The following TBC1D19 variants were observed in gnomAD, a reference collection of about 807,000 sequenced individuals.
TBC1D19 encodes TBC1 domain family, member 19.
A neutral mutation model predicts 89.0 loss-of-function variants in TBC1D19; 60 were observed. The observed-to-expected ratio is 0.67, with a 90% CI of 0.55 to 0.84. The LOEUF (loss-of-function observed/expected upper bound fraction) is 0.84, where lower values mean the gene tolerates loss of function less well. TBC1D19 is among the 40% of genes least tolerant of loss of function. The pLI is 0.00. For synonymous variants in TBC1D19, 189 were observed against 199.7 expected, an observed-to-expected ratio of 0.95 and a Z score of 0.45; for missense variants, 500 against 610.8, an observed-to-expected ratio of 0.82 and a Z score of 1.91.
At position 26,706,281 on chromosome 4, in the gene TBC1D19, G is replaced by C. The variant is rs113090136; in HGVS notation, c.955-11652G>C. On this transcript the variant is annotated intron_variant, in intron 13 of 20. Coordinates refer to ENST00000264866, the MANE Select transcript of TBC1D19 (RefSeq NM_018317.4). Reference sequence around the variant, plus strand: ...GTTGACTTTGTGTTTCTAGAAATTTGTTCATTTTATCCAGGTTATCCAATT... The same window carrying C: ...GTTGACTTTGTGTTTCTAGAAATTTCTTCATTTTATCCAGGTTATCCAATT... 2.7e-3 allele frequency among the ~76,000 whole-genome samples: 407 copies of C among 152,144 alleles called. 3 individuals are homozygous for C. The highest frequency in any genetic ancestry group is 9.1e-3 in the African/African-American group (378 of 41,530).
the TBC1D19 span, among the ~76,000 whole-genome samples, chr4:26,838,477 A>C: frequency 1.3e-5 from 2 of 152,024 alleles, no homozygotes; most frequent in Non-Finnish European, 2.9e-5. Context: ...GAATTATACA[A>C]TTTTCTCCCT....
chr4:26,662,029 A>C (rs1466132110), intron 8 of TBC1D19, among the ~76,000 whole-genome samples: 1 of 152,164 alleles, frequency 6.6e-6, no homozygotes, highest in African/African-American at 2.4e-5. Flanking sequence ...TTTCCATTTC[A>C]GATGTCGTTT....
chr4:26,816,034 C>CT, the TBC1D19 span, among the ~76,000 whole-genome samples: 2 of 152,144 alleles, frequency 1.3e-5, no homozygotes, highest in African/African-American at 2.4e-5. Context: ...GGTCAGGAAA[C>CT]TTTTTTCTAA....
chr4:26,659,681 C>A lies in TBC1D19; in HGVS notation c.565C>A (p.Leu189Met). 1.3e-6 allele frequency: 2 copies of A among 1,588,054 alleles called. No individual in the cohort carries two copies. Among genetic ancestry groups the A allele is most frequent in the Non-Finnish European group, 8.6e-7 (1 of 1,161,714 alleles). The change falls in exon 8 of 21, where the codon CTG becomes ATG. Residue 189 changes from leucine to methionine, a missense_variant. Physicochemically the swap from Leu to Met is conservative, Grantham distance 15. Coordinates refer to ENST00000264866, the MANE Select transcript of TBC1D19 (RefSeq NM_018317.4). ...RTHLGLIQVP[L>M]KVKDIPELKE... ...TCATTTGGGTTTAATTCAAGTTCCA[C>A]TGAAAGTAAAAGACATCCCTGAATT...
intron 3 of TBC1D19, among the ~76,000 whole-genome samples, chr4:26,617,347 T>G (rs1275290213): frequency 6.6e-6 from 1 of 152,216 alleles, no homozygotes; most frequent in Non-Finnish European, 1.5e-5. Flanking sequence ...GGACAAACAT[T>G]CAAACCATGG....
chr4:26,738,473 GT>G (rs1329701155), intron 16 of TBC1D19, among the ~76,000 whole-genome samples: 1 of 151,752 alleles, frequency 6.6e-6, no homozygotes, highest in African/African-American at 2.4e-5. Context: ...GGTTGTTATT[GT>G]AATTAGAGCA....
intron 7 of TBC1D19, among the ~76,000 whole-genome samples, chr4:26,657,781 AC>A (rs1744959087): frequency 6.6e-6 from 1 of 152,274 alleles, no homozygotes; most frequent in African/African-American, 2.4e-5. Flanking sequence ...CACCATTCTA[AC>A]TGGTGTGAGA....
intron 15 of TBC1D19, among the ~76,000 whole-genome samples, chr4:26,730,185 A>G (rs867163818): frequency 6.6e-6 from 1 of 152,182 alleles, no homozygotes; most frequent in South Asian, 2.1e-4. Flanking sequence ...ACAGATGCAT[A>G]TATTCATTCT....
intron 11 of TBC1D19, among the ~76,000 whole-genome samples, chr4:26,676,703 G>A (rs1328005850): frequency 1.3e-5 from 2 of 150,490 alleles, no homozygotes; most frequent in Non-Finnish European, 3.0e-5. Flanking sequence ...TGGGCAGCAG[G>A]GCAAGACTGT....
the TBC1D19 span, among the ~76,000 whole-genome samples, chr4:26,776,058 T>C: frequency 6.6e-6 from 1 of 152,258 alleles, no homozygotes; most frequent in South Asian, 2.1e-4. Flanking sequence ...GACAAGATGT[T>C]CCAAGTTTAT....
At chr4:26,697,896 G>A (rs1395127382) in intron 13 of TBC1D19, among the ~76,000 whole-genome samples, 1 of 152,116 alleles carries the variant, frequency 6.6e-6, no homozygotes, top group African/African-American at 2.4e-5. Context: ...CAAACCCACA[G>A]CCAATATCAT....
At chr4:26,638,946 C>A in intron 6 of TBC1D19, 112 bp downstream of exon 6, 1 of 893,830 alleles carries the variant, frequency 1.1e-6, no homozygotes, top group Non-Finnish European at 1.7e-6. Flanking sequence ...AATTTTCCTT[C>A]TCATTAATTT....
intron 2 of TBC1D19, 49 bp downstream of exon 2, chr4:26,613,290 A>G (rs1400721291): frequency 1.7e-6 from 2 of 1,195,168 alleles, no homozygotes; most frequent in East Asian, 5.1e-5. Context: ...AAAATGTTTT[A>G]TTTATTCCTA....
the TBC1D19 span, among the ~76,000 whole-genome samples, chr4:26,783,850 C>A: frequency 6.6e-6 from 1 of 151,648 alleles, no homozygotes; most frequent in Admixed American, 6.6e-5. Context: ...CATCTTAGGC[C>A]ACCATGCATC....
chr4:26,637,668 G>A (rs577883418), intron 5 of TBC1D19, among the ~76,000 whole-genome samples: 20 of 152,142 alleles, frequency 1.3e-4, no homozygotes, highest in African/African-American at 3.9e-4. Context: ...CACTGTGCCC[G>A]GCCTATTTAT....
At chr4:26,855,608 A>C in the TBC1D19 span, among the ~76,000 whole-genome samples, 49,985 of 152,014 alleles carry the variant, frequency 0.33, 8,272 homozygotes, top group African/African-American at 0.37. Context: ...TGAAATTTCC[A>C]GTCCCTGGAT....
At chr4:26,582,115 A>G (rs776265088), upstream of TBC1D19, among the ~76,000 whole-genome samples, 33 of 152,226 alleles carry the variant, frequency 2.2e-4, no homozygotes, top group Middle Eastern at 3.4e-3. Flanking sequence ...GCACTTTCAC[A>G]TATGTTGCTA....
At chr4:26,674,745 T>G (rs1712642558) in intron 11 of TBC1D19, among the ~76,000 whole-genome samples, 1 of 152,032 alleles carries the variant, frequency 6.6e-6, no homozygotes, top group Non-Finnish European at 1.5e-5. Context: ...AACGTACATG[T>G]ACTTTTAACA....
At chr4:26,590,796 G>GTTTTTTGTTTTTTT (rs1739723443) in intron 1 of TBC1D19, among the ~76,000 whole-genome samples, 1 of 52,958 alleles carries the variant, frequency 1.9e-5, no homozygotes, top group African/African-American at 8.3e-5. Flanking sequence ...TTGCAGGTCT[G>GTTTTTTGTTTTTTT]TTTTTTTTTT....
Sources: gnomAD v4.1 joint callset for allele counts (sites outside exome capture counted in the v4.1 genomes callset) on GRCh38, gnomAD v4.1.1 for gene constraint, MANE v1.5 for transcripts, NCBI Gene and HGNC (gene_info 2026-07-23, HGNC 2026-07-21) for gene names.